Variants in CNTNAP2 observed in about 807,000 individuals in gnomAD.
The protein encoded by CNTNAP2 is contactin associated protein 2.
Under a neutral mutation model 155.2 loss-of-function variants are expected in CNTNAP2, and 98 were observed. That is an observed-to-expected ratio of 0.63 (90% CI 0.54 to 0.75). The LOEUF is 0.75. Ranked by LOEUF, CNTNAP2 falls within the 30% of genes least tolerant of loss-of-function variation. The pLI is 0.00. For synonymous variants in CNTNAP2, 651 were observed against 631.2 expected (o/e 1.03, Z -0.47); for missense variants, 1,727 against 1,688.1 (o/e 1.02, Z -0.40).
In CNTNAP2 at chr7:147,304,157, T is replaced by C. The variant is rs557650944; in HGVS notation, c.1498+3867T>C. On this transcript the variant is annotated intron_variant, in intron 9 of 23. Transcript: ENST00000361727. ...CCTGCTAATGCCGGCAAAGTCTTAG[T>C]CCTCCTTTGTAACATCCATGATCAG... 4.3e-4 allele frequency among the ~76,000 whole-genome samples: 66 copies of C among 152,334 alleles called. No homozygotes were observed. The South Asian group carries it at 7.0e-3, about 16-fold the overall frequency.
In CNTNAP2 at chr7:147,340,123, T is replaced by TGGATAAAGTTACTGG. The variant is rs201706736; in HGVS notation, c.1498+39833_1498+39834insGGATAAAGTTACTGG. On this transcript the variant is annotated intron_variant, in intron 9 of 23. Coordinates refer to ENST00000361727, the MANE Select transcript of CNTNAP2 (RefSeq NM_014141.6). Reference sequence around the variant, plus strand: ...GCATTTACATAAGAGATAAAGATACTATCCAGTAGTAACTTTAACCTGAAG... The same window carrying TGGATAAAGTTACTGG: ...GCATTTACATAAGAGATAAAGATACTGGATAAAGTTACTGGATCCAGTAGTAACTTTAACCTGAAG... Among the ~76,000 whole-genome samples the TGGATAAAGTTACTGG allele has an allele frequency of 4.7e-3, 711 of 152,292 alleles. 11 individuals carry two copies. Among genetic ancestry groups the TGGATAAAGTTACTGG allele is most frequent in the African/African-American group, 0.016 (672 of 41,576 alleles).
chr7:146,438,904 T>A (rs1388414617), intron 1 of CNTNAP2, among the ~76,000 whole-genome samples: 2 of 151,580 alleles, frequency 1.3e-5, no homozygotes, highest in Admixed American at 1.3e-4. Flanking sequence ...TGGTCTGTCA[T>A]CCTGAGCATA....
chr7:148,199,794 A>G (rs2116729593), intron 18 of CNTNAP2, among the ~76,000 whole-genome samples: 1 of 152,344 alleles, frequency 6.6e-6, no homozygotes, highest in South Asian at 2.1e-4. Context: ...GGGGTTTCTT[A>G]ATGGAAATTG....
At chr7:147,466,933 A>G (rs1325479795) in intron 10 of CNTNAP2, among the ~76,000 whole-genome samples, 3 of 152,138 alleles carry the variant, frequency 2.0e-5, no homozygotes, top group Non-Finnish European at 4.4e-5. Flanking sequence ...AATAATAATA[A>G]TAATAATTTA....
chr7:147,221,589 T>A (rs1006886148), intron 8 of CNTNAP2, among the ~76,000 whole-genome samples: 3 of 152,136 alleles, frequency 2.0e-5, no homozygotes, highest in East Asian at 3.9e-4. Context: ...TTGTGTGAAG[T>A]CCTGGCTCTT....
intron 1 of CNTNAP2, among the ~76,000 whole-genome samples, chr7:146,578,694 A>G (rs1001818382): frequency 6.6e-6 from 1 of 152,158 alleles, no homozygotes; most frequent in African/African-American, 2.4e-5. Context: ...AGAAAATTAA[A>G]GATTCAAAGA....
chr7:148,080,113 A>G (rs1049082586), intron 15 of CNTNAP2, among the ~76,000 whole-genome samples: 3 of 152,200 alleles, frequency 2.0e-5, no homozygotes, highest in East Asian at 3.9e-4. Flanking sequence ...TGTCAGCTTC[A>G]TCCTGCACCC....
chr7:148,372,803 T>G (rs1798913155), intron 21 of CNTNAP2, among the ~76,000 whole-genome samples: 1 of 152,238 alleles, frequency 6.6e-6, no homozygotes, highest in Non-Finnish European at 1.5e-5. Context: ...CTTTTTCACT[T>G]TTTCATATTT....
intron 12 of CNTNAP2, among the ~76,000 whole-genome samples, chr7:147,625,747 A>C (rs1269208979): frequency 2.0e-5 from 3 of 152,160 alleles, no homozygotes; most frequent in Non-Finnish European, 4.4e-5. Context: ...ATACCAGGAA[A>C]ACCTGAAGGA....
intron 20 of CNTNAP2, among the ~76,000 whole-genome samples, chr7:148,243,988 T>C (rs1796208046): frequency 6.6e-6 from 1 of 152,194 alleles, no homozygotes; most frequent in African/African-American, 2.4e-5. Flanking sequence ...TGCAAAGTTA[T>C]ATGAAACTTG....
At chr7:146,483,282 AATATATATATATATAT>A (rs200796835) in intron 1 of CNTNAP2, among the ~76,000 whole-genome samples, 10 of 39,870 alleles carry the variant, frequency 2.5e-4, no homozygotes, top group East Asian at 2.1e-3. Context: ...TCTAAAAAAA[AATATATATATATATAT>A]ATATATATAT....
intron 10 of CNTNAP2, among the ~76,000 whole-genome samples, chr7:147,468,893 T>G (rs1438558211): frequency 6.6e-6 from 1 of 151,722 alleles, no homozygotes; most frequent in Non-Finnish European, 1.5e-5. Context: ...CAGGCTGGAA[T>G]GCAGTGACAC....
chr7:146,779,331 A>G (rs1457880870), intron 2 of CNTNAP2, among the ~76,000 whole-genome samples: 1 of 152,244 alleles, frequency 6.6e-6, no homozygotes, highest in African/African-American at 2.4e-5. Flanking sequence ...AATAATACAT[A>G]TAGAAACCCC....
chr7:147,385,374 C>G (rs1796607530), intron 9 of CNTNAP2, among the ~76,000 whole-genome samples: 1 of 152,178 alleles, frequency 6.6e-6, no homozygotes, highest in Non-Finnish European at 1.5e-5. Flanking sequence ...AGTCCATAGT[C>G]CAACGTCTCA....
intron 1 of CNTNAP2, among the ~76,000 whole-genome samples, chr7:146,366,150 AT>A (rs1795152418): frequency 6.6e-6 from 1 of 152,102 alleles, no homozygotes; most frequent in Admixed American, 6.6e-5. Flanking sequence ...ACTGATGGTG[AT>A]TTTTGTGCAT....
chr7:148,025,458 C>G (rs1802358581), intron 15 of CNTNAP2, among the ~76,000 whole-genome samples: 1 of 152,158 alleles, frequency 6.6e-6, no homozygotes, highest in Non-Finnish European at 1.5e-5. Flanking sequence ...AAAACACTAG[C>G]CTCCAAGTTT....
chr7:147,997,168 C>T (rs75846051), intron 15 of CNTNAP2, among the ~76,000 whole-genome samples: 22 of 152,204 alleles, frequency 1.4e-4, no homozygotes, highest in African/African-American at 1.9e-4. Context: ...ACCCAGTTTA[C>T]GATATTTTGT....
intron 14 of CNTNAP2, among the ~76,000 whole-genome samples, chr7:147,922,769 C>T (rs1385800967): frequency 6.6e-6 from 1 of 152,112 alleles, no homozygotes; most frequent in African/African-American, 2.4e-5. Context: ...TATGCAGAAA[C>T]AGCAACAAAA....
intron 9 of CNTNAP2, among the ~76,000 whole-genome samples, chr7:147,379,099 G>T (rs993332406): frequency 6.6e-6 from 1 of 151,970 alleles, no homozygotes; most frequent in Non-Finnish European, 1.5e-5. Flanking sequence ...GGGTGTGTTT[G>T]CTTCCCCTTC....
Sources: allele counts gnomAD v4.1 joint callset (sites outside exome capture counted in the v4.1 genomes callset), GRCh38; gene constraint gnomAD v4.1.1; transcripts MANE v1.5; gene names NCBI Gene and HGNC (gene_info 2026-07-23, HGNC 2026-07-21).